Variants in NLN observed in about 807,000 individuals in gnomAD.
The protein encoded by NLN is neurolysin.
In NLN, 64 loss-of-function variants were observed where a neutral mutation model predicts 79.9. That is an observed-to-expected ratio of 0.80 (90% CI 0.65 to 0.99). NLN has a LOEUF of 0.99. Among genes scored for constraint, NLN ranks in the 50% least tolerant of loss-of-function variants. The pLI, the probability that NLN is intolerant of heterozygous loss-of-function variation, is 0.00. For missense variants in NLN, 835 were observed against 858.7 expected (o/e 0.97, Z 0.34); for synonymous variants, 267 against 296.6 (o/e 0.90, Z 1.02).
chr5:65,785,672 G>T, intron 6 of NLN, 103 bp from the exon 7 acceptor site: 92 of 775,550 alleles, frequency 1.2e-4, no homozygotes, highest in Middle Eastern at 2.7e-4. Context: ...AAAAATATTT[G>T]ATAATTTTAC....
chr5:65,812,901 A>G (rs1320848689), intron 12 of NLN, among the ~76,000 whole-genome samples: 3 of 152,166 alleles, frequency 2.0e-5, no homozygotes, highest in African/African-American at 7.2e-5. Flanking sequence ...CTGAGCCATT[A>G]CTTTCTGTAT....
intron 1 of NLN, among the ~76,000 whole-genome samples, chr5:65,726,067 G>A (rs747506354): frequency 4.0e-4 from 60 of 148,690 alleles, no homozygotes; most frequent in Non-Finnish European, 7.2e-4. Context: ...CGCCGAGATT[G>A]TGCCACTGCA....
chr5:65,722,390 T>A lies in NLN; in HGVS notation c.17T>A (p.Leu6His), dbSNP rs1478045280. 4 of 1,589,750 alleles carry A rather than the reference T, an allele frequency of 2.5e-6. No individual in the cohort carries two copies. MIARC[L>H]LAVRSLRRVG... ...AGCGCTCCCATGATCGCCCGGTGCC[T>A]TTTGGCTGTGCGAAGCCTCCGCAGG... The change falls in exon 1 of 13, where the codon CTT becomes CAT. Residue 6 changes from leucine (L) to histidine (H), a missense_variant. Physicochemically the swap from Leu to His is moderately conservative, Grantham distance 99. Coordinates refer to ENST00000380985, the MANE Select transcript of NLN (RefSeq NM_020726.5).
chr5:65,816,902 T>C (rs908028011), intron 12 of NLN, among the ~76,000 whole-genome samples: 7 of 152,110 alleles, frequency 4.6e-5, no homozygotes, highest in Non-Finnish European at 1.0e-4. Flanking sequence ...TGCCTTCTAT[T>C]GTTAGTCCCC....
At chr5:65,725,097 G>A (rs973540267) in intron 1 of NLN, among the ~76,000 whole-genome samples, 1 of 152,046 alleles carries the variant, frequency 6.6e-6, no homozygotes, top group Admixed American at 6.6e-5. Flanking sequence ...GAGCCACTGC[G>A]CCCGGCAGAA....
chr5:65,778,899 GA>G (rs1203539309), intron 4 of NLN, among the ~76,000 whole-genome samples: 2 of 152,104 alleles, frequency 1.3e-5, no homozygotes, highest in Admixed American at 6.6e-5. Flanking sequence ...GGTTAATCCT[GA>G]ATTCCCTTTT....
chr5:65,723,701 G>A (rs1217319498), intron 1 of NLN, among the ~76,000 whole-genome samples: 3 of 150,490 alleles, frequency 2.0e-5, no homozygotes, highest in Non-Finnish European at 4.4e-5. Flanking sequence ...TGTAGTCCCA[G>A]CTACTCGGGA....
At chr5:65,791,109 A>T (rs1760047813) in intron 8 of NLN, among the ~76,000 whole-genome samples, 1 of 152,216 alleles carries the variant, frequency 6.6e-6, no homozygotes, top group Admixed American at 6.5e-5. Flanking sequence ...GACTTTTAAA[A>T]AGGGTATTCA....
chr5:65,784,230 T>C (rs1364113253), intron 6 of NLN, among the ~76,000 whole-genome samples: 5 of 152,060 alleles, frequency 3.3e-5, no homozygotes, highest in African/African-American at 1.2e-4. Context: ...AACATTTACT[T>C]ACTTCCTCTA....
chr5:65,777,378 A>G, intron 3 of NLN, 49 bp from the exon 4 acceptor site: 1 of 1,161,948 alleles, frequency 8.6e-7, no homozygotes, highest in Non-Finnish European at 1.3e-6. Flanking sequence ...TTTATAATTT[A>G]CCTGTGCACT....
intron 1 of NLN, among the ~76,000 whole-genome samples, chr5:65,730,705 C>G (rs966987163): frequency 6.6e-6 from 1 of 151,930 alleles, no homozygotes; most frequent in Non-Finnish European, 1.5e-5. Context: ...TACAGGCACC[C>G]GCCATCATGC....
At position 65,827,691 on chromosome 5, in the gene NLN, G is replaced by A. The variant is rs1284018397; in HGVS notation, c.*4776G>A. ...ATCAAATGTACAGATAATAGGGCTG[G>A]AATTATTAAGTATGATGATGTTATT... is the stretch of plus-strand genomic sequence containing the variant. On this transcript the variant is annotated 3_prime_UTR_variant, in exon 13 of 13. Transcript: ENST00000380985. The A allele has an allele frequency of 6.6e-6, 1 of 152,166 alleles. No homozygotes were observed. Among genetic ancestry groups the A allele is most frequent in the African/African-American group, 2.4e-5 (1 of 41,420 alleles). 9.4% of individuals were successfully genotyped at this position (152,166 alleles called of 1,614,324 possible).
chr5:65,781,348 C>A lies in NLN; in HGVS notation c.749C>A (p.Pro250His), dbSNP rs767903772. The change falls in exon 6 of 13, where the codon CCT becomes CAT. Residue 250 changes from proline (P) to histidine (H), a missense_variant. Transcript: ENST00000380985. ...ACCTTAAAATATCCACACTATTTCCCTGTCATGAAGAAATGTTGTATCCCT... is the reference window on the plus strand; with the variant it reads ...ACCTTAAAATATCCACACTATTTCCATGTCATGAAGAAATGTTGTATCCCT... ...KITLKYPHYF[P>H]VMKKCCIPET... 6.2e-7 allele frequency: 1 copy of A among 1,603,338 alleles called. No homozygotes were observed. Among genetic ancestry groups the A allele is most frequent in the South Asian group, 1.1e-5 (1 of 90,862 alleles).
At chr5:65,775,992 C>T (rs1759671447) in intron 3 of NLN, among the ~76,000 whole-genome samples, 1 of 152,224 alleles carries the variant, frequency 6.6e-6, no homozygotes, top group South Asian at 2.1e-4. Context: ...GTCACTCAAA[C>T]CTGCAATCCC....
In NLN at chr5:65,734,622, T is replaced by A. The variant is rs79292560; in HGVS notation, c.41+12208T>A. ...TTCCTGTTTGGCATTCAAGAGGAAG[T>A]CCTCATATTTCCCAGCCATATTTTG... On this transcript the variant is annotated intron_variant, in intron 1 of 12. Coordinates refer to ENST00000380985, the MANE Select transcript of NLN (RefSeq NM_020726.5). 4.8e-3 allele frequency among the ~76,000 whole-genome samples: 733 copies of A among 152,194 alleles called. 8 individuals carry two copies. Among genetic ancestry groups the A allele is most frequent in the African/African-American group, 0.016 (676 of 41,534 alleles).
chr5:65,822,846 C>G lies in NLN; in HGVS notation c.2046C>G (p.Leu682=). ...PGGSLDGMDM[L]HNFLKREPNQ... is the part of the protein sequence containing the mutation. ...GATCTCTGGACGGCATGGACATGCTCCACAATTTCTTGAAACGTGAGCCAA... is the reference window on the plus strand; with the variant it reads ...GATCTCTGGACGGCATGGACATGCTGCACAATTTCTTGAAACGTGAGCCAA... Residue 682 remains leucine, a synonymous_variant, in exon 13 of 13, where the codon CTC becomes CTG. Coordinates refer to ENST00000380985, the MANE Select transcript of NLN (RefSeq NM_020726.5). 6.2e-7 allele frequency: 1 copy of G among 1,611,856 alleles called. No homozygotes were observed.
chr5:65,801,590 C>T (rs532539768), intron 9 of NLN, among the ~76,000 whole-genome samples: 2 of 152,214 alleles, frequency 1.3e-5, no homozygotes, highest in African/African-American at 4.8e-5. Context: ...GACCAACTTT[C>T]GGGAAATTAG....
chr5:65,773,127 ATTTT>A (rs757202934), intron 3 of NLN, among the ~76,000 whole-genome samples: 1 of 96,608 alleles, frequency 1.0e-5, no homozygotes, highest in Non-Finnish European at 1.9e-5. Context: ...CCTGAATTCT[ATTTT>A]TTTTTTTTTT....
intron 3 of NLN, among the ~76,000 whole-genome samples, chr5:65,773,664 C>A (rs1280442705): frequency 6.6e-6 from 1 of 152,024 alleles, no homozygotes; most frequent in Non-Finnish European, 1.5e-5. Flanking sequence ...AATATTTGGC[C>A]AGGCACAGTG....
Sources: gnomAD v4.1 joint callset for allele counts (sites outside exome capture counted in the v4.1 genomes callset) on GRCh38, gnomAD v4.1.1 for gene constraint, MANE v1.5 for transcripts, NCBI Gene and HGNC (gene_info 2026-07-23, HGNC 2026-07-21) for gene names.